Variants in STK3 observed in about 807,000 individuals in gnomAD.
STK3 encodes the protein serine/threonine kinase 3.
STK3 carries 41 observed loss-of-function variants against 58.0 expected under a neutral mutation model. The ratio of observed to expected loss-of-function variants is 0.71; its 90% CI spans 0.55 to 0.92. The LOEUF is 0.92. STK3 is among the 40% of genes least tolerant of loss of function. The pLI is 0.00. For synonymous variants in STK3, 170 were observed against 191.0 expected (o/e 0.89, Z 0.91); for missense variants, 479 against 602.7 (o/e 0.79, Z 2.15).
At chr8:98,380,026 C>T (rs1336840731) in intron 1 of STK3, among the ~76,000 whole-genome samples, 1 of 152,166 alleles carries the variant, frequency 6.6e-6, no homozygotes, top group Non-Finnish European at 1.5e-5. Flanking sequence ...GGACACCATG[C>T]TAAGAGAAAC....
chr8:98,749,397 G>A lies in STK3; in HGVS notation c.237-7C>T. 1 of 1,440,872 alleles carries A rather than the reference G, an allele frequency of 6.9e-7. No individual in the cohort carries two copies. 89.3% of individuals were successfully genotyped at this position (1,440,872 alleles called of 1,614,324 possible). A position where few individuals can be genotyped will look rare whatever the true frequency, so the allele number is the denominator to read the frequency against. On this transcript the variant is annotated splice_region_variant and splice_polypyrimidine_tract_variant and intron_variant, in intron 3 of 10. Transcript: ENST00000419617. The stretch of plus-strand genomic sequence containing the variant: ...GTACTTTACAACATATGGGCTAAAG[G>A]AAAATACATAAACAATTAAATTTAG...
chr8:98,790,186 T>C (rs1229102935), intron 1 of STK3, among the ~76,000 whole-genome samples: 1 of 152,046 alleles, frequency 6.6e-6, no homozygotes, highest in Non-Finnish European at 1.5e-5. Flanking sequence ...GAAGCCAGTA[T>C]CACCCTAATA....
At chr8:98,510,972 A>G (rs1344400431) in intron 10 of STK3, among the ~76,000 whole-genome samples, 1 of 152,162 alleles carries the variant, frequency 6.6e-6, no homozygotes, top group Non-Finnish European at 1.5e-5. Context: ...ACAAACGAAC[A>G]TTAAAAACTA....
At chr8:98,823,081 T>C (rs1397059988) in intron 1 of STK3, among the ~76,000 whole-genome samples, 1 of 152,146 alleles carries the variant, frequency 6.6e-6, no homozygotes, top group African/African-American at 2.4e-5. Context: ...GTGAGGGTCA[T>C]AAAACCATGG....
In STK3 at chr8:98,614,613, G is replaced by A. The variant is rs529077610; in HGVS notation, c.685-18444C>T. Among the ~76,000 whole-genome samples, 28 of 149,780 alleles carry A rather than the reference G, an allele frequency of 1.9e-4. No homozygotes were observed. In the East Asian group the frequency reaches 2.7e-3, roughly 14 times the overall value. ...GCCAGTGGGTGTGCGCACCGTGCGC[G>A]AGCCGAAGCAGGGCGAGGCATTGCC... On this transcript the variant is annotated intron_variant, in intron 6 of 10. Coordinates refer to ENST00000419617, the MANE Select transcript of STK3 (RefSeq NM_006281.4).
chr8:98,702,233 T>C (rs777197994), intron 6 of STK3, among the ~76,000 whole-genome samples: 4 of 152,210 alleles, frequency 2.6e-5, no homozygotes, highest in Non-Finnish European at 5.9e-5. Context: ...ATATTCCTTA[T>C]TCTGCCCAGG....
intron 10 of STK3, among the ~76,000 whole-genome samples, chr8:98,468,154 G>A (rs1413593824): frequency 1.3e-5 from 2 of 152,136 alleles, no homozygotes; most frequent in Non-Finnish European, 2.9e-5. Context: ...ATCGTGGTCT[G>A]TTAACTATTT....
chr8:98,534,027 C>T (rs985615685), intron 9 of STK3, among the ~76,000 whole-genome samples: 1 of 152,226 alleles, frequency 6.6e-6, no homozygotes, highest in Admixed American at 6.5e-5. Flanking sequence ...TGGTGCACTG[C>T]TGATAATGTA....
chr8:98,932,454 G>A (rs983573448), intron 1 of STK3, among the ~76,000 whole-genome samples: 15 of 152,158 alleles, frequency 9.9e-5, no homozygotes, highest in African/African-American at 2.4e-5. Flanking sequence ...CAGGGAAACA[G>A]TACTCCCCAG....
At chr8:98,617,603 C>T (rs866228425) in intron 6 of STK3, among the ~76,000 whole-genome samples, 3 of 151,944 alleles carry the variant, frequency 2.0e-5, no homozygotes, top group Admixed American at 6.5e-5. Flanking sequence ...AAAATCAAAT[C>T]GACACAATAA....
At chr8:98,929,848 C>T (rs1158949111) in intron 1 of STK3, among the ~76,000 whole-genome samples, 1 of 152,142 alleles carries the variant, frequency 6.6e-6, no homozygotes. Flanking sequence ...AGTGCTTGGT[C>T]AGCAAGAACC....
At chr8:98,819,547 T>A (rs1345333262) in intron 1 of STK3, among the ~76,000 whole-genome samples, 1 of 152,202 alleles carries the variant, frequency 6.6e-6, no homozygotes, top group Admixed American at 6.5e-5. Flanking sequence ...AGACAGCAGA[T>A]GCTTTAGGGA....
chr8:98,883,460 G>A (rs751724066), downstream of STK3: 1 of 544,972 alleles, frequency 1.8e-6, no homozygotes, highest in Non-Finnish European at 3.3e-6. Context: ...ACTCTCTTGG[G>A]CTAAAATATC....
chr8:98,413,248 C>G, intron 3 of STK3: 1 of 354,098 alleles, frequency 2.8e-6, no homozygotes, highest in Non-Finnish European at 5.5e-6. Flanking sequence ...CTCCTGAACT[C>G]AAGTGATCCA....
At chr8:98,621,494 A>T (rs1818314426) in intron 6 of STK3, among the ~76,000 whole-genome samples, 3 of 152,160 alleles carry the variant, frequency 2.0e-5, no homozygotes. Context: ...AGGGGAAAAC[A>T]TTCAGTCTTT....
intron 10 of STK3, among the ~76,000 whole-genome samples, chr8:98,496,134 C>T (rs1260690513): frequency 6.6e-6 from 1 of 152,144 alleles, no homozygotes; most frequent in Admixed American, 6.6e-5. Flanking sequence ...TTATCTCTAT[C>T]TTGCCAACAT....
chr8:98,494,528 A>T (rs1357191811), intron 10 of STK3, among the ~76,000 whole-genome samples: 1 of 151,868 alleles, frequency 6.6e-6, no homozygotes, highest in Non-Finnish European at 1.5e-5. Flanking sequence ...AGTGGCTCAC[A>T]CCTGTAATCC....
chr8:98,663,638 T>TA (rs2130800597), intron 6 of STK3, among the ~76,000 whole-genome samples: 1 of 152,262 alleles, frequency 6.6e-6, no homozygotes, highest in African/African-American at 2.4e-5. Flanking sequence ...CTAAAAATGA[T>TA]AGAGTGGATT....
At chr8:98,887,088 C>A (rs747853857) in intron 1 of STK3, among the ~76,000 whole-genome samples, 2 of 151,964 alleles carry the variant, frequency 1.3e-5, no homozygotes, top group African/African-American at 2.4e-5. Flanking sequence ...CAGAGCGAGA[C>A]TCCACCTCAA....
Sources: allele counts gnomAD v4.1 joint callset (sites outside exome capture counted in the v4.1 genomes callset), GRCh38; gene constraint gnomAD v4.1.1; transcripts MANE v1.5; gene names NCBI Gene and HGNC (gene_info 2026-07-23, HGNC 2026-07-21).